HEPACAM2: variants seen among roughly 807,000 people sequenced by gnomAD.
The protein encoded by HEPACAM2 is HEPACAM family member 2.
HEPACAM2 carries 49 observed loss-of-function variants against 49.6 expected under a neutral mutation model. The ratio of observed to expected loss-of-function variants is 0.99; its 90% CI spans 0.78 to 1.25. HEPACAM2 has a LOEUF of 1.25. HEPACAM2 is among the 50% of genes most tolerant of loss of function. HEPACAM2 has a pLI of 0.00. For missense variants in HEPACAM2, 525 were observed against 557.2 expected (o/e 0.94, Z 0.58); for synonymous variants, 197 against 202.9 (o/e 0.97, Z 0.25).
At chr7:93,216,292 A>C (rs1312729924) in intron 2 of HEPACAM2, among the ~76,000 whole-genome samples, 1 of 152,196 alleles carries the variant, frequency 6.6e-6, no homozygotes, top group Non-Finnish European at 1.5e-5. Context: ...AGGCACTTTA[A>C]CAAACCAAAA....
chr7:93,228,864 G>GGTGTGTGTGT (rs61092223), upstream of HEPACAM2, among the ~76,000 whole-genome samples: 15 of 149,720 alleles, frequency 1.0e-4, no homozygotes, highest in South Asian at 2.7e-3. Context: ...TGTGCAGGAG[G>GGTGTGTGTGT]GTGTGTGTGT....
intron 1 of HEPACAM2, among the ~76,000 whole-genome samples, chr7:93,224,721 G>C (rs1157683123): frequency 6.6e-6 from 1 of 152,118 alleles, no homozygotes; most frequent in East Asian, 1.9e-4. Flanking sequence ...CTCTGCTGTA[G>C]CTCAAAATAG....
At chr7:93,217,557 C>T (rs1252152610) in intron 2 of HEPACAM2, among the ~76,000 whole-genome samples, 1 of 152,146 alleles carries the variant, frequency 6.6e-6, no homozygotes, top group Admixed American at 6.5e-5. Flanking sequence ...GCTCTCTAGG[C>T]ATTTGCTTCT....
rs1177605408 is a variant in HEPACAM2 at position 93,215,680 on chromosome 7, C to T, written c.436G>A (p.Val146Ile). 2 of 1,612,626 alleles carry T rather than the reference C, an allele frequency of 1.2e-6. No individual in the cohort carries two copies. Among genetic ancestry groups the T allele is most frequent in the South Asian group, 1.1e-5 (1 of 91,012 alleles). Residue 146 changes from valine to isoleucine, a missense_variant, in exon 3 of 10, where the codon GTC becomes ATC. Coordinates refer to ENST00000394468, the MANE Select transcript of HEPACAM2 (RefSeq NM_001039372.4). ...QKIQVTVDDP[V>I]TKPVVQIHPP... ...TGAATCTGCACCACTGGCTTTGTGACAGGATCTGCAATATTAAGAGAGATA... is the reference window on the plus strand; with the variant it reads ...TGAATCTGCACCACTGGCTTTGTGATAGGATCTGCAATATTAAGAGAGATA...
At chr7:93,209,933 A>T (rs775387219) in intron 3 of HEPACAM2, among the ~76,000 whole-genome samples, 4 of 151,770 alleles carry the variant, frequency 2.6e-5, no homozygotes, top group Non-Finnish European at 4.4e-5. Flanking sequence ...CCCAGCTAAG[A>T]TTAGGATTCC....
chr7:93,216,321 C>T (rs949001024), intron 2 of HEPACAM2, among the ~76,000 whole-genome samples: 6 of 152,136 alleles, frequency 3.9e-5, no homozygotes, highest in African/African-American at 1.4e-4. Flanking sequence ...TATTTCAACA[C>T]TGACTCAGTC....
chr7:93,197,743 G>A (rs1296301784), intron 4 of HEPACAM2, 133 bp from the exon 5 acceptor site: 2 of 603,926 alleles, frequency 3.3e-6, no homozygotes, highest in African/African-American at 1.9e-5. Flanking sequence ...CACACAGAGA[G>A]AGAGAGAGAC....
intron 4 of HEPACAM2, among the ~76,000 whole-genome samples, chr7:93,201,627 C>T (rs1793885168): frequency 6.6e-6 from 1 of 152,060 alleles, no homozygotes; most frequent in Non-Finnish European, 1.5e-5. Context: ...ACAACAATTC[C>T]ATGCTCTTTC....
intron 3 of HEPACAM2, among the ~76,000 whole-genome samples, chr7:93,211,057 G>T (rs1794166941): frequency 6.6e-6 from 1 of 151,968 alleles, no homozygotes; most frequent in Non-Finnish European, 1.5e-5. Flanking sequence ...TCCCAGAGTG[G>T]TTCTCTATCA....
chr7:93,200,604 G>A (rs942920402), intron 4 of HEPACAM2, among the ~76,000 whole-genome samples: 1 of 152,118 alleles, frequency 6.6e-6, no homozygotes, highest in African/African-American at 2.4e-5. Flanking sequence ...AATGATGGCA[G>A]TGGTAGTGGT....
intron 4 of HEPACAM2, among the ~76,000 whole-genome samples, chr7:93,201,873 C>T (rs1300300572): frequency 1.3e-5 from 2 of 151,712 alleles, no homozygotes; most frequent in Non-Finnish European, 2.9e-5. Context: ...GATTCTCTAC[C>T]ATCCTAGAGG....
chr7:93,230,746 A>G (rs1794611148), upstream of HEPACAM2, among the ~76,000 whole-genome samples: 1 of 152,210 alleles, frequency 6.6e-6, no homozygotes, highest in Admixed American at 6.5e-5. Flanking sequence ...TAAAGAATAA[A>G]CTAAACTAGA....
intron 4 of HEPACAM2, among the ~76,000 whole-genome samples, chr7:93,206,840 G>C (rs1269476742): frequency 6.6e-6 from 1 of 152,128 alleles, no homozygotes; most frequent in East Asian, 1.9e-4. Flanking sequence ...GAGTACCTAC[G>C]AGAAACCCAT....
chr7:93,193,667 G>A (rs1435103197), intron 8 of HEPACAM2, among the ~76,000 whole-genome samples: 2 of 152,026 alleles, frequency 1.3e-5, no homozygotes, highest in African/African-American at 4.8e-5. Flanking sequence ...TTGAACTCCT[G>A]GGTTCAAGTG....
upstream of HEPACAM2, among the ~76,000 whole-genome samples, chr7:93,227,713 A>G (rs1443602656): frequency 4.6e-5 from 7 of 152,122 alleles, no homozygotes; most frequent in African/African-American, 1.4e-4. Flanking sequence ...CAAAATAATA[A>G]CAATGCCACA....
intron 4 of HEPACAM2, among the ~76,000 whole-genome samples, chr7:93,202,102 G>GA (rs1287847233): frequency 2.2e-5 from 3 of 136,010 alleles, no homozygotes; most frequent in South Asian, 2.3e-4. Context: ...AGAAAGAATT[G>GA]AAAAAAAATA....
At chr7:93,227,717 T>C (rs543766032), upstream of HEPACAM2, among the ~76,000 whole-genome samples, 1 of 152,250 alleles carries the variant, frequency 6.6e-6, no homozygotes, top group African/African-American at 2.4e-5. Flanking sequence ...ATAATAACAA[T>C]GCCACAACTT....
intron 3 of HEPACAM2, among the ~76,000 whole-genome samples, chr7:93,213,215 T>C (rs1794220609): frequency 6.6e-6 from 1 of 151,932 alleles, no homozygotes; most frequent in African/African-American, 2.4e-5. Context: ...GGTTACTGGG[T>C]TATTATTTAC....
At chr7:93,230,106 T>C (rs1242575138), upstream of HEPACAM2, among the ~76,000 whole-genome samples, 1 of 152,222 alleles carries the variant, frequency 6.6e-6, no homozygotes, top group Admixed American at 6.5e-5. Flanking sequence ...TTCAATACTT[T>C]CTTGCGTTTT....
Sources: gnomAD v4.1 joint callset for allele counts (sites outside exome capture counted in the v4.1 genomes callset) on GRCh38, gnomAD v4.1.1 for gene constraint, MANE v1.5 for transcripts, NCBI Gene and HGNC (gene_info 2026-07-23, HGNC 2026-07-21) for gene names.